IPO11: variants seen among roughly 807,000 people sequenced by gnomAD.
The protein encoded by IPO11 is importin-11.
IPO11 carries 66 observed loss-of-function variants against 143.2 expected under a neutral mutation model. That is an observed-to-expected ratio of 0.46 (90% CI 0.38 to 0.57). The LOEUF is 0.57. Ranked by LOEUF, IPO11 falls within the 20% of genes least tolerant of loss-of-function variation. The pLI, the probability that IPO11 is intolerant of heterozygous loss-of-function variation, is 0.00. For synonymous variants in IPO11, 385 were observed against 377.8 expected (o/e 1.02, Z -0.22); for missense variants, 1,026 against 1,141.0 (o/e 0.90, Z 1.45).
chr5:62,494,739 T>G (rs1204254913), intron 16 of IPO11, among the ~76,000 whole-genome samples: 1 of 152,174 alleles, frequency 6.6e-6, no homozygotes, highest in Non-Finnish European at 1.5e-5. Context: ...TTTTCTTTCT[T>G]TTTTCCTACT....
intron 29 of IPO11, among the ~76,000 whole-genome samples, chr5:62,608,883 A>G (rs997635139): frequency 6.6e-6 from 1 of 152,202 alleles, no homozygotes; most frequent in Non-Finnish European, 1.5e-5. Flanking sequence ...TAAGAGTTTC[A>G]CTGCCTTCAA....
intron 29 of IPO11, among the ~76,000 whole-genome samples, chr5:62,603,078 A>G (rs889887926): frequency 7.2e-5 from 11 of 152,200 alleles, no homozygotes; most frequent in Admixed American, 4.6e-4. Context: ...AAGCAGAAAA[A>G]CATATAATGA....
intron 12 of IPO11, among the ~76,000 whole-genome samples, chr5:62,485,818 C>G (rs1294960474): frequency 6.8e-6 from 1 of 146,830 alleles, no homozygotes; most frequent in African/African-American, 2.5e-5. Flanking sequence ...CCACTGCGTT[C>G]TAGCCTGGAT....
chr5:62,485,962 G>GT (rs1327756448), intron 12 of IPO11, among the ~76,000 whole-genome samples: 6 of 147,930 alleles, frequency 4.1e-5, no homozygotes, highest in Admixed American at 1.4e-4. Flanking sequence ...TTTAATCTGA[G>GT]TTTTTTTTCT....
chr5:62,607,532 T>C (rs1745768834), intron 29 of IPO11, among the ~76,000 whole-genome samples: 1 of 152,148 alleles, frequency 6.6e-6, no homozygotes, highest in Non-Finnish European at 1.5e-5. Context: ...TAATTAAATA[T>C]CAGTAATTTT....
At chr5:62,421,436 C>T (rs566381542) in intron 1 of IPO11, among the ~76,000 whole-genome samples, 41 of 152,274 alleles carry the variant, frequency 2.7e-4, no homozygotes, top group African/African-American at 9.4e-4. Context: ...AAGTCTAAAG[C>T]TAAAAATTCC....
intron 29 of IPO11, among the ~76,000 whole-genome samples, chr5:62,607,237 A>G (rs1322016329): frequency 1.3e-5 from 2 of 152,170 alleles, no homozygotes; most frequent in African/African-American, 4.8e-5. Flanking sequence ...TTAGACTTGT[A>G]CTTGTTAGAA....
intron 24 of IPO11, among the ~76,000 whole-genome samples, chr5:62,548,546 C>T (rs533840827): frequency 3.3e-5 from 5 of 152,262 alleles, no homozygotes; most frequent in African/African-American, 9.6e-5. Flanking sequence ...ACACTCTCTT[C>T]GTTCTCCTGG....
chr5:62,469,866 T>TA (rs1745706901), intron 6 of IPO11, among the ~76,000 whole-genome samples: 2 of 152,312 alleles, frequency 1.3e-5, no homozygotes, highest in African/African-American at 4.8e-5. Context: ...GTATTTCCAT[T>TA]AATATAGCCG....
intron 1 of IPO11, among the ~76,000 whole-genome samples, chr5:62,416,850 T>G (rs1481758980): frequency 1.3e-5 from 2 of 151,898 alleles, no homozygotes; most frequent in Non-Finnish European, 2.9e-5. Context: ...TCAGCCTCTC[T>G]GGTGGCTGGG....
chr5:62,609,274 A>G (rs367773895), intron 29 of IPO11, among the ~76,000 whole-genome samples: 1 of 152,206 alleles, frequency 6.6e-6, no homozygotes, highest in Admixed American at 6.5e-5. Context: ...GGGTGTTCCC[A>G]TCTGTTCTTG....
intron 27 of IPO11, among the ~76,000 whole-genome samples, chr5:62,573,904 G>T (rs1431891527): frequency 6.6e-6 from 1 of 152,132 alleles, no homozygotes; most frequent in Non-Finnish European, 1.5e-5. Context: ...TCCCTTAGGG[G>T]TTATTTAGGT....
Position 62,416,246 on chromosome 5 carries a change from G to A in IPO11, c.-7+3317G>A, listed in dbSNP as rs1271856361. 7.9e-5 allele frequency among the ~76,000 whole-genome samples: 11 copies of A among 139,248 alleles called. No individual in the cohort carries two copies. The South Asian group carries it at 1.1e-3, about 14-fold the overall frequency. The allele number at this position is 139,248 out of a possible 152,430, so 91.4% of individuals were successfully genotyped here. A position where few individuals can be genotyped will look rare whatever the true frequency, so the allele number is the denominator to read the frequency against. On this transcript the variant is annotated intron_variant, in intron 1 of 29. Transcript: ENST00000325324. ...CTCCCAGGCTGGAGTGCAGTGGCCCGCTCTCAGGTCACTGCAACCTCCGCC... is the reference window on the plus strand; with the variant it reads ...CTCCCAGGCTGGAGTGCAGTGGCCCACTCTCAGGTCACTGCAACCTCCGCC...
At chr5:62,598,395 T>TTGCTTGCTTGCTTGCTTG (rs1745314154) in intron 28 of IPO11, among the ~76,000 whole-genome samples, 1 of 10,888 alleles carries the variant, frequency 9.2e-5, no homozygotes, top group Non-Finnish European at 1.4e-4. Context: ...TTGCTTGCTT[T>TTGCTTGCTTGCTTGCTTG]CTTTCTTTCT....
At chr5:62,448,723 T>C (rs1744805225) in intron 3 of IPO11, among the ~76,000 whole-genome samples, 1 of 152,098 alleles carries the variant, frequency 6.6e-6, no homozygotes, top group Non-Finnish European at 1.5e-5. Flanking sequence ...GCTAATGTTT[T>C]TTAGTTCTAC....
At chr5:62,544,926 C>T (rs1743104666) in intron 24 of IPO11, among the ~76,000 whole-genome samples, 1 of 152,076 alleles carries the variant, frequency 6.6e-6, no homozygotes, top group Non-Finnish European at 1.5e-5. Context: ...AACTACAAAC[C>T]ACTGCTCAAC....
chr5:62,420,670 C>T (rs1203443356), intron 1 of IPO11, among the ~76,000 whole-genome samples: 1 of 151,778 alleles, frequency 6.6e-6, no homozygotes, highest in African/African-American at 2.4e-5. Context: ...GCCTTGACCT[C>T]CTGGGCTCAG....
chr5:62,518,148 A>G (rs1742088034), intron 20 of IPO11, among the ~76,000 whole-genome samples: 1 of 150,716 alleles, frequency 6.6e-6, no homozygotes, highest in Non-Finnish European at 1.5e-5. Flanking sequence ...ACTAAAAAAA[A>G]AAAAAAAAAA....
At chr5:62,598,197 T>C (rs1745297508) in intron 28 of IPO11, among the ~76,000 whole-genome samples, 1 of 152,044 alleles carries the variant, frequency 6.6e-6, no homozygotes, top group African/African-American at 2.4e-5. Flanking sequence ...TGATTGCTTA[T>C]TGAACTACTG....
Sources: allele counts gnomAD v4.1 joint callset (sites outside exome capture counted in the v4.1 genomes callset), GRCh38; gene constraint gnomAD v4.1.1; transcripts MANE v1.5; gene names NCBI Gene and HGNC (gene_info 2026-07-23, HGNC 2026-07-21).